NDUFV1: variants seen among roughly 807,000 people sequenced by gnomAD.
The protein encoded by NDUFV1 is NADH:ubiquinone oxidoreductase core subunit V1.
In NDUFV1, 41 loss-of-function variants were observed where a neutral mutation model predicts 48.7. The observed-to-expected ratio is 0.84, with a 90% CI of 0.66 to 1.09. The LOEUF is 1.09. NDUFV1 is among the 50% of genes least tolerant of loss of function. NDUFV1 has a pLI of 0.00. For synonymous variants in NDUFV1, 231 were observed against 259.1 expected, an observed-to-expected ratio of 0.89 and a Z score of 1.04; for missense variants, 580 against 645.4, an observed-to-expected ratio of 0.90 and a Z score of 1.10.
At chr11:67,609,022 A>G (rs953607040) in intron 3 of NDUFV1, among the ~76,000 whole-genome samples, 14 of 152,200 alleles carry the variant, frequency 9.2e-5, no homozygotes, top group Admixed American at 2.0e-4. Flanking sequence ...TTTTGTAAAT[A>G]GGTACAGTGA....
Position 67,609,173 on chromosome 11 carries a change from T to G in NDUFV1, c.327-279T>G, listed in dbSNP as rs554386888. On this transcript the variant is annotated intron_variant, in intron 3 of 9. Transcript: ENST00000322776. ...GAGGAATGCTCTTTGTCACCAAGAG[T>G]AGAATCTGGCTCTCAGGGGCAGACA... Among the ~76,000 whole-genome samples, 41 of 152,164 alleles carry G rather than the reference T, an allele frequency of 2.7e-4. 1 individual carries two copies. In the South Asian group the frequency reaches 6.2e-3, roughly 23 times the overall value.
intron 3 of NDUFV1, 61 bp from the exon 4 acceptor site, chr11:67,609,391 A>G: frequency 6.4e-7 from 1 of 1,562,972 alleles, no homozygotes; most frequent in South Asian, 1.1e-5. Flanking sequence ...GTGGGGTGGC[A>G]TGGAGTTGAA....
At position 67,612,213 on chromosome 11, in the gene NDUFV1, T is replaced by C. The variant is rs768923260; in HGVS notation, c.1256T>C (p.Ile419Thr). The C allele has an allele frequency of 6.2e-7, 1 of 1,613,414 alleles. No individual in the cohort carries two copies. Among genetic ancestry groups the C allele is most frequent in the African/African-American group, 1.3e-5 (1 of 74,750 alleles). Residue 419 changes from isoleucine (I) to threonine (T), a missense_variant, in exon 9 of 10, where the codon ATA becomes ACA. Coordinates refer to ENST00000322776, the MANE Select transcript of NDUFV1 (RefSeq NM_007103.4). This position sits in a 1 kb window ranked among gnomAD's most constrained non-coding sequence, Gnocchi z 4.4. ...IDSLWEISKQ[I>T]EGHTICALGD... Reference sequence around the variant, plus strand: ...TCCCTGTGGGAGATCAGCAAGCAGATAGAAGGCCATACGATTTGTGCTCTG... The same window carrying C: ...TCCCTGTGGGAGATCAGCAAGCAGACAGAAGGCCATACGATTTGTGCTCTG...
intron 1 of NDUFV1, 133 bp downstream of exon 1, chr11:67,607,209 C>A: frequency 9.7e-7 from 1 of 1,031,164 alleles, no homozygotes; most frequent in Non-Finnish European, 1.5e-6. Context: ...GGAAGGCCCC[C>A]GCTCCGGCCT....
chr11:67,608,498 G>A lies in NDUFV1; in HGVS notation c.155+20G>A, dbSNP rs758138102. The A allele has an allele frequency of 2.5e-6, 4 of 1,614,206 alleles. No homozygotes were observed. The highest frequency in any genetic ancestry group is 1.7e-5 in the Admixed American group (1 of 60,018). ...CTGGAGGTGAGACAGTGCCCTTAGT[G>A]TGTTGGGTCCCGGAGCAAGGTGTCC... On this transcript the variant is annotated intron_variant, in intron 2 of 9. Transcript: ENST00000322776.
rs752601840 is a variant in NDUFV1, at chr11:67,612,178, C to T, written c.1221C>T (p.Ala407=). ...TCGTGAGGGGGGATGCCCGGCCGGC[C>T]GAGATCGACTCCCTGTGGGAGATCA... ...ARFVRGDARP[A]EIDSLWEISK... is the part of the protein sequence containing the mutation. Residue 407 remains alanine, a synonymous_variant, in exon 9 of 10, where the codon GCC becomes GCT. Transcript: ENST00000322776. The surrounding 1 kb of genome is among the most constrained non-coding windows in gnomAD (Gnocchi z 4.4). The T allele has an allele frequency of 1.5e-5, 24 of 1,613,502 alleles. No individual in the cohort carries two copies. The highest frequency in any genetic ancestry group is 3.3e-5 in the South Asian group (3 of 91,058).
chr11:67,612,542 G>A lies in NDUFV1; in HGVS notation c.*84G>A, dbSNP rs1020270975. ...GAGTGCTGCCCACCCTCCAGCTGCC[G>A]CTGCTGTGACTGTGCTCTTTACCCT... On this transcript the variant is annotated 3_prime_UTR_variant, in exon 10 of 10. Coordinates refer to ENST00000322776, the MANE Select transcript of NDUFV1 (RefSeq NM_007103.4). The surrounding 1 kb of genome is among the most constrained non-coding windows in gnomAD (Gnocchi z 4.4). The A allele has an allele frequency of 3.0e-5, 44 of 1,451,478 alleles. No homozygotes were observed. The Middle Eastern group carries it at 9.6e-4, about 32-fold the overall frequency. The allele number at this position is 1,451,478 out of a possible 1,614,324, so 89.9% of individuals were successfully genotyped here.
At position 67,610,510 on chromosome 11, in the gene NDUFV1, G is replaced by C; in HGVS notation, c.640G>C (p.Glu214Gln). 1 of 1,614,212 alleles carries C rather than the reference G, an allele frequency of 6.2e-7. No individual in the cohort carries two copies. Reference sequence around the variant, plus strand: ...CTGTGGAGAGGAGACAGCGCTCATCGAGTCCATTGAGGGCAAGCAGGGCAA... The same window carrying C: ...CTGTGGAGAGGAGACAGCGCTCATCCAGTCCATTGAGGGCAAGCAGGGCAA... ...YICGEETALI[E>Q]SIEGKQGKPR... Residue 214 changes from glutamate to glutamine, a missense_variant, in exon 5 of 10, where the codon GAG becomes CAG. By Grantham distance (29) the Glu-to-Gln change is conservative (BLOSUM62 2). Transcript: ENST00000322776.
Position 67,607,048 on chromosome 11 carries a change from G to A in NDUFV1, c.44G>A (p.Arg15Gln). The A allele has an allele frequency of 6.2e-7, 1 of 1,609,028 alleles. No individual in the cohort carries two copies. Among genetic ancestry groups the A allele is most frequent in the Non-Finnish European group, 8.5e-7 (1 of 1,179,234 alleles). Reference protein sequence around the residue: ...RRLLGWSLPARVSVRFSGDTT... With the variant: ...RRLLGWSLPAQVSVRFSGDTT... ...CTGCTCGGCTGGTCGCTTCCCGCGC[G>A]GGTATCTGTGCGTTTCAGCGGCGAC... The change falls in exon 1 of 10, where the codon CGG becomes CAG. Residue 15 changes from arginine (R) to glutamine (Q), a missense_variant. Transcript: ENST00000322776.
rs1854910912 is a variant in NDUFV1, at chr11:67,611,299, G to T, written c.913+92G>T. ...CTGGGCGGGAGGGCTCAGGAGACGG[G>T]GCTGGGTCTAGGGGCTGACTAAGGG... is the stretch of plus-strand genomic sequence containing the variant. On this transcript the variant is annotated intron_variant, in intron 6 of 9. Transcript: ENST00000322776. The surrounding 1 kb of genome is among the most constrained non-coding windows in gnomAD (Gnocchi z 4.2). 7 of 1,594,476 alleles carry T rather than the reference G, an allele frequency of 4.4e-6. No homozygotes were observed. The East Asian group carries it at 1.6e-4, about 36-fold the overall frequency.
At position 67,611,360 on chromosome 11, in the gene NDUFV1, G is replaced by T; in HGVS notation, c.914-43G>T. ...GGACTAGGCAGGTGTGCCGGCCCCA[G>T]CCCTGACCATGCATCCCTTTGGGGA... On this transcript the variant is annotated intron_variant, in intron 6 of 9. Coordinates refer to ENST00000322776, the MANE Select transcript of NDUFV1 (RefSeq NM_007103.4). This position sits in a 1 kb window ranked among gnomAD's most constrained non-coding sequence, Gnocchi z 4.2. 6.2e-7 allele frequency: 1 copy of T among 1,609,536 alleles called. No individual in the cohort carries two copies.
intron 3 of NDUFV1, among the ~76,000 whole-genome samples, chr11:67,609,037 A>T (rs901946938): frequency 3.3e-5 from 5 of 152,186 alleles, no homozygotes; most frequent in African/African-American, 1.2e-4. Context: ...CAGTGATATC[A>T]TGCAAGGATT....
At chr11:67,607,406 G>A in intron 1 of NDUFV1, 5 of 541,548 alleles carry the variant, frequency 9.2e-6, no homozygotes, top group Non-Finnish European at 1.8e-5. Flanking sequence ...ATTTAGGGAT[G>A]CGCACCTCCT....
Position 67,611,236 on chromosome 11 carries a change from G to A in NDUFV1, c.913+29G>A, listed in dbSNP as rs11227858. The A allele has an allele frequency of 1.2e-6, 2 of 1,611,292 alleles. No homozygotes were observed. The highest frequency in any genetic ancestry group is 1.7e-6 in the Non-Finnish European group (2 of 1,178,024). On this transcript the variant is annotated intron_variant, in intron 6 of 9. Transcript: ENST00000322776. This position sits in a 1 kb window ranked among gnomAD's most constrained non-coding sequence, Gnocchi z 4.2. ...AGGCCTGGGGCCAGCCAGGTGGTGG[G>A]GGGGTGCGCAGTGGGGGCAGGTGTC...
rs1035430922 is a variant in NDUFV1 at position 67,611,799 on chromosome 11, A to G, written c.1081-98A>G. ...AGGCCAGAACGCTGGGTGGGCTGGG[A>G]AGAGCTTCTGGAACTGGGGGAGGGG... On this transcript the variant is annotated intron_variant, in intron 7 of 9. Transcript: ENST00000322776. This position sits in a 1 kb window ranked among gnomAD's most constrained non-coding sequence, Gnocchi z 4.2. 1.8e-5 allele frequency: 28 copies of G among 1,518,838 alleles called. 1 individual carries two copies. The South Asian group carries it at 3.2e-4, about 17-fold the overall frequency. The allele number at this position is 1,518,838 out of a possible 1,614,324, so 94.1% of individuals were successfully genotyped here. A position where few individuals can be genotyped will look rare whatever the true frequency, so the allele number is the denominator to read the frequency against.
At position 67,610,326 on chromosome 11, in the gene NDUFV1, T is replaced by C. The variant is rs1046230132; in HGVS notation, c.511-55T>C. ...AAGGGCTTCATGACTCCTGAAGTTATAGGCTGACTCCTGGGCTGGGGGTGG... is the reference window on the plus strand; with the variant it reads ...AAGGGCTTCATGACTCCTGAAGTTACAGGCTGACTCCTGGGCTGGGGGTGG... On this transcript the variant is annotated intron_variant, in intron 4 of 9. Coordinates refer to ENST00000322776, the MANE Select transcript of NDUFV1 (RefSeq NM_007103.4). The C allele has an allele frequency of 1.0e-5, 16 of 1,604,562 alleles. No individual in the cohort carries two copies. The African/African-American group carries it at 1.2e-4, about 12-fold the overall frequency.
chr11:67,611,955 G>T lies in NDUFV1; in HGVS notation c.1139G>T (p.Gly380Val). 6.2e-7 allele frequency: 1 copy of T among 1,614,078 alleles called. No individual in the cohort carries two copies. The highest frequency in any genetic ancestry group is 8.5e-7 in the Non-Finnish European group (1 of 1,180,016). ...LIEFYKHESC[G>V]QCTPCREGVD... ...GAGTTCTATAAGCACGAGAGCTGTGGCCAGTGTACCCCATGCCGTGAGGGT... is the reference window on the plus strand; with the variant it reads ...GAGTTCTATAAGCACGAGAGCTGTGTCCAGTGTACCCCATGCCGTGAGGGT... The change falls in exon 8 of 10, where the codon GGC becomes GTC. Residue 380 changes from glycine to valine, a missense_variant. By Grantham distance (109) the Gly-to-Val change is moderately radical. Transcript: ENST00000322776. The surrounding 1 kb of genome is among the most constrained non-coding windows in gnomAD (Gnocchi z 4.2).
rs763683545 is a variant in NDUFV1 at position 67,610,431 on chromosome 11, T to C, written c.561T>C (p.Cys187=). Reference sequence around the variant, plus strand: ...CAGGTCTGATTGGCAAGAATGCTTGTGGCTCTGGCTATGATTTTGACGTGT... The same window carrying C: ...CAGGTCTGATTGGCAAGAATGCTTGCGGCTCTGGCTATGATTTTGACGTGT... ...YEAGLIGKNA[C]GSGYDFDVFV... Residue 187 remains cysteine (C), a synonymous_variant, in exon 5 of 10, where the codon TGT becomes TGC. Coordinates refer to ENST00000322776, the MANE Select transcript of NDUFV1 (RefSeq NM_007103.4). 5.6e-6 allele frequency: 9 copies of C among 1,614,072 alleles called. No individual in the cohort carries two copies. In the African/African-American group the frequency reaches 1.2e-4, roughly 22 times the overall value.
Position 67,612,071 on chromosome 11 carries a change from A to G in NDUFV1, c.1163-49A>G. 1.2e-6 allele frequency: 2 copies of G among 1,613,528 alleles called. No individual in the cohort carries two copies. Among genetic ancestry groups the G allele is most frequent in the Non-Finnish European group, 8.5e-7 (1 of 1,179,896 alleles). On this transcript the variant is annotated intron_variant, in intron 8 of 9. Coordinates refer to ENST00000322776, the MANE Select transcript of NDUFV1 (RefSeq NM_007103.4). This position sits in a 1 kb window ranked among gnomAD's most constrained non-coding sequence, Gnocchi z 4.4. ...CTGCAGCCCTCAAGCGCCGCCCCAC[A>G]TCCTGGCTGGGGAGATCATCAGGCC...
Sources: allele counts gnomAD v4.1 joint callset (sites outside exome capture counted in the v4.1 genomes callset), GRCh38; gene constraint gnomAD v4.1.1; non-coding constraint Gnocchi (gnomAD v3.1); transcripts MANE v1.5; gene names NCBI Gene and HGNC (gene_info 2026-07-23, HGNC 2026-07-21).